The following TNKS1BP1 variants were observed in gnomAD, a reference collection of about 807,000 sequenced individuals.
TNKS1BP1 encodes the protein 182 kDa tankyrase-1-binding protein.
A neutral mutation model predicts 141.1 loss-of-function variants in TNKS1BP1; 48 were observed. That is an observed-to-expected ratio of 0.34 (90% CI 0.27 to 0.43). TNKS1BP1 has a LOEUF of 0.43. Ranked by LOEUF, TNKS1BP1 falls within the 20% of genes least tolerant of loss-of-function variation. The pLI, the probability that TNKS1BP1 is intolerant of heterozygous loss-of-function variation, is 1.00. For synonymous variants in TNKS1BP1, 875 were observed against 898.2 expected (o/e 0.97, Z 0.46); for missense variants, 2,149 against 2,226.0 (o/e 0.97, Z 0.70).
chr11:57,320,024 C>CACCACA, intron 3 of TNKS1BP1, 55 bp downstream of exon 3: 1 of 654,164 alleles, frequency 1.5e-6, no homozygotes. Context: ...CCCACCCAAT[C>CACCACA]CCACCCCACC....
Position 57,309,534 on chromosome 11 carries a change from C to T in TNKS1BP1, c.3177G>A (p.Gly1059=), listed in dbSNP as rs1420340037. The T allele has an allele frequency of 6.2e-7, 1 of 1,613,518 alleles. No individual in the cohort carries two copies. Among genetic ancestry groups the T allele is most frequent in the Non-Finnish European group, 8.5e-7 (1 of 1,180,034 alleles). ...QNSDASQEVG[G]HQERQQAGAQ... ...CCCCTGCCTGCTGTCTCTCCTGATG[C>T]CCTCCCACCTCCTGGCTAGCATCAC... Residue 1059 remains glycine, a synonymous_variant, in exon 6 of 12, where the codon GGG becomes GGA. Coordinates refer to ENST00000358252, the MANE Select transcript of TNKS1BP1 (RefSeq NM_033396.3). This position sits in a 1 kb window ranked among gnomAD's most constrained non-coding sequence, Gnocchi z 4.3.
intron 4 of TNKS1BP1, among the ~76,000 whole-genome samples, chr11:57,315,539 CCA>C (rs2134367641): frequency 6.6e-6 from 1 of 152,258 alleles, no homozygotes; most frequent in African/African-American, 2.4e-5. Context: ...TGGTCTCACT[CCA>C]GATTCACTGC....
rs979223406 is a variant in TNKS1BP1, at chr11:57,322,078, G to T, written c.-65-128C>A. 68 of 836,112 alleles carry T rather than the reference G, an allele frequency of 8.1e-5. 4 individuals carry two copies. In the Middle Eastern group the frequency reaches 1.6e-3, roughly 20 times the overall value. The allele number at this position is 836,112 out of a possible 1,614,324, so 51.8% of individuals were successfully genotyped here. On this transcript the variant is annotated intron_variant, in intron 1 of 11. Transcript: ENST00000358252. ...GGAAGAGAGAACTTGGAGTGGGGGGGGGGGGGTAGGAGGAGGTCAAGGGAG... is the reference window on the plus strand; with the variant it reads ...GGAAGAGAGAACTTGGAGTGGGGGGTGGGGGGTAGGAGGAGGTCAAGGGAG...
Position 57,310,318 on chromosome 11 carries a change from T to G in TNKS1BP1, c.2393A>C (p.Gln798Pro). Reference protein sequence around the residue: ...REWASRCGIGQEEMEASSSQD... With the variant: ...REWASRCGIGPEEMEASSSQD... ...GCTGCTGCTGGCCTCCATCTCCTCC[T>G]GGCCGATGCCACACCTGCTGGCCCA... is the stretch of plus-strand genomic sequence containing the variant. Residue 798 changes from glutamine (Q) to proline (P), a missense_variant, in exon 6 of 12, where the codon CAG becomes CCG. Coordinates refer to ENST00000358252, the MANE Select transcript of TNKS1BP1 (RefSeq NM_033396.3). 2 of 1,614,040 alleles carry G rather than the reference T, an allele frequency of 1.2e-6. No individual in the cohort carries two copies.
At chr11:57,305,887 C>T (rs1855602159) in intron 6 of TNKS1BP1, among the ~76,000 whole-genome samples, 1 of 152,188 alleles carries the variant, frequency 6.6e-6, no homozygotes, top group South Asian at 2.1e-4. Context: ...AGAACGCAAG[C>T]CTGGCAGATG....
rs768772674 is a variant in TNKS1BP1, at chr11:57,309,093, G to C, written c.3618C>G (p.Thr1206=). The change falls in exon 6 of 12, where the codon ACC becomes ACG. Residue 1206 remains threonine (T), a synonymous_variant. Transcript: ENST00000358252. This position sits in a 1 kb window ranked among gnomAD's most constrained non-coding sequence, Gnocchi z 4.3. The part of the protein sequence containing the change: ...GGLSLRDMNL[T]GCLESGGSEE... ...CAGACCCTCCACTTTCCAAACAGCC[G>C]GTCAGGTTCATGTCTCTCAAGCTCA... 2.5e-6 allele frequency: 4 copies of C among 1,613,870 alleles called. No homozygotes were observed. In the South Asian group the frequency reaches 4.4e-5, roughly 18 times the overall value.
chr11:57,309,704 G>A lies in TNKS1BP1; in HGVS notation c.3007C>T (p.Pro1003Ser), dbSNP rs1565041290. 6.2e-7 allele frequency: 1 copy of A among 1,614,088 alleles called. No individual in the cohort carries two copies. Among genetic ancestry groups the A allele is most frequent in the Non-Finnish European group, 8.5e-7 (1 of 1,180,054 alleles). The change falls in exon 6 of 12, where the codon CCA becomes TCA. Residue 1003 changes from proline to serine, a missense_variant. By Grantham distance (74) the Pro-to-Ser change is moderately conservative. Coordinates refer to ENST00000358252, the MANE Select transcript of TNKS1BP1 (RefSeq NM_033396.3). This position sits in a 1 kb window ranked among gnomAD's most constrained non-coding sequence, Gnocchi z 4.3. ...QQDEEFEKKI[P>S]SVEDSLGEGS... is the part of the protein sequence containing the mutation. ...TCTCCAAGGCTGTCTTCCACACTTG[G>A]AATCTTCTTCTCAAATTCCTCATCC...
Position 57,313,254 on chromosome 11 carries a change from C to A in TNKS1BP1, c.1434G>T (p.Trp478Cys). 1 of 1,612,912 alleles carries A rather than the reference C, an allele frequency of 6.2e-7. No homozygotes were observed. Among genetic ancestry groups the A allele is most frequent in the Non-Finnish European group, 8.5e-7 (1 of 1,180,000 alleles). ...SNWSLSQSFE[W>C]TFPTRPSGLG... ...GACCCGAGGGCCTCGTGGGGAAGGTCCATTCGAAGGACTGTGATAAGCTCC... is the reference window on the plus strand; with the variant it reads ...GACCCGAGGGCCTCGTGGGGAAGGTACATTCGAAGGACTGTGATAAGCTCC... The change falls in exon 5 of 12, where the codon TGG (tryptophan) becomes TGT (cysteine). Residue 478 changes from tryptophan (W) to cysteine (C), a missense_variant. Transcript: ENST00000358252.
Position 57,309,371 on chromosome 11 carries a change from A to T in TNKS1BP1, c.3340T>A (p.Cys1114Ser). The change falls in exon 6 of 12, where the codon TGC becomes AGC. Residue 1114 changes from cysteine to serine, a missense_variant. Coordinates refer to ENST00000358252, the MANE Select transcript of TNKS1BP1 (RefSeq NM_033396.3). The surrounding 1 kb of genome is among the most constrained non-coding windows in gnomAD (Gnocchi z 4.3). The part of the protein sequence containing the change: ...PGQQDWSRDF[C>S]IEASERSYQF... ...TAGCTCCTCTCACTGGCCTCGATGC[A>T]GAAGTCCCGGCTCCAGTCCTGCTGC... 1 of 1,614,186 alleles carries T rather than the reference A, an allele frequency of 6.2e-7. No homozygotes were observed. The highest frequency in any genetic ancestry group is 8.5e-7 in the Non-Finnish European group (1 of 1,180,026).
chr11:57,323,619 A>T (rs1465383862), intron 1 of TNKS1BP1, among the ~76,000 whole-genome samples: 1 of 152,196 alleles, frequency 6.6e-6, no homozygotes, highest in Non-Finnish European at 1.5e-5. Flanking sequence ...AGAGGGTATG[A>T]AGACAGTAGA....
intron 5 of TNKS1BP1, 90 bp downstream of exon 5, chr11:57,312,444 G>A (rs146492884): frequency 1.8e-5 from 24 of 1,346,248 alleles, no homozygotes; most frequent in African/African-American, 5.9e-5. Flanking sequence ...CCAAGCTCTC[G>A]ACATGTAAAA....
In TNKS1BP1 at chr11:57,309,310, C is replaced by T. The variant is rs1014811700; in HGVS notation, c.3401G>A (p.Gly1134Asp). Residue 1134 changes from glycine (G) to aspartate (D), a missense_variant, in exon 6 of 12, where the codon GGT (glycine) becomes GAT (aspartate). Transcript: ENST00000358252. The surrounding 1 kb of genome is among the most constrained non-coding windows in gnomAD (Gnocchi z 4.3). ...CTTGCTAGAAGGGCTAAAGCCAGCACCACTCACTCTGTCGTTGCCAATGAT... is the reference window on the plus strand; with the variant it reads ...CTTGCTAGAAGGGCTAAAGCCAGCATCACTCACTCTGTCGTTGCCAATGAT... Reference protein sequence around the residue: ...FGIIGNDRVSGAGFSPSSKME... With the variant: ...FGIIGNDRVSDAGFSPSSKME... 6.2e-7 allele frequency: 1 copy of T among 1,614,190 alleles called. No individual in the cohort carries two copies. Among genetic ancestry groups the T allele is most frequent in the African/African-American group, 1.3e-5 (1 of 75,064 alleles).
intron 6 of TNKS1BP1, chr11:57,303,139 G>A (rs907683084): frequency 3.5e-5 from 11 of 317,140 alleles, no homozygotes; most frequent in African/African-American, 1.9e-4. Context: ...GCACAGTCCT[G>A]GTCAGCACGC....
chr11:57,319,261 G>A (rs1855844726), intron 3 of TNKS1BP1, among the ~76,000 whole-genome samples: 1 of 152,064 alleles, frequency 6.6e-6, no homozygotes, highest in Non-Finnish European at 1.5e-5. Flanking sequence ...CCCCAGGACT[G>A]GCACACTGCT....
In TNKS1BP1 at chr11:57,313,442, C is replaced by A; in HGVS notation, c.1246G>T (p.Ala416Ser). 2 of 1,605,942 alleles carry A rather than the reference C, an allele frequency of 1.2e-6. No homozygotes were observed. The highest frequency in any genetic ancestry group is 1.7e-6 in the Non-Finnish European group (2 of 1,175,422). ...SGGEEEAKGD[A>S]HLRPTSLVQR... ...ACCAGGCTGGTGGGGCGGAGGTGTGCGTCACCCTTGGCCTCCTCCTCCCCG... is the reference window on the plus strand; with the variant it reads ...ACCAGGCTGGTGGGGCGGAGGTGTGAGTCACCCTTGGCCTCCTCCTCCCCG... The change falls in exon 5 of 12, where the codon GCA becomes TCA. Residue 416 changes from alanine to serine, a missense_variant. Transcript: ENST00000358252.
intron 5 of TNKS1BP1, chr11:57,311,212 C>A (rs1258049532): frequency 8.2e-6 from 8 of 980,882 alleles, no homozygotes; most frequent in African/African-American, 1.7e-5. Context: ...TGCACCCCAC[C>A]CCCCACCTCA....
intron 6 of TNKS1BP1, among the ~76,000 whole-genome samples, chr11:57,306,219 A>G (rs1042831249): frequency 2.0e-5 from 3 of 151,224 alleles, no homozygotes; most frequent in Non-Finnish European, 4.4e-5. Flanking sequence ...CAGAGGTTGC[A>G]GTGAGCCAAG....
In TNKS1BP1 at chr11:57,302,460, T is replaced by C. The variant is rs751339519; in HGVS notation, c.4682A>G (p.Glu1561Gly). The change falls in exon 7 of 12, where the codon GAG becomes GGG. Residue 1561 changes from glutamate to glycine, a missense_variant and splice_region_variant. Physicochemically the swap from Glu to Gly is moderately conservative, Grantham distance 98. Coordinates refer to ENST00000358252, the MANE Select transcript of TNKS1BP1 (RefSeq NM_033396.3). The surrounding 1 kb of genome is among the most constrained non-coding windows in gnomAD (Gnocchi z 5.5). Reference protein sequence around the residue: ...RSPSQDFSFIEDTEILDSAMY... With the variant: ...RSPSQDFSFIGDTEILDSAMY... ...GTCATGGGCTCACCCTCCACTGACC[T>C]CAATGAAGGAGAAGTCCTGACTGGG... is the stretch of plus-strand genomic sequence containing the variant. 6.3e-7 allele frequency: 1 copy of C among 1,591,168 alleles called. No homozygotes were observed. The highest frequency in any genetic ancestry group is 2.3e-5 in the East Asian group (1 of 44,434).
chr11:57,308,714 C>T lies in TNKS1BP1; in HGVS notation c.3997G>A (p.Gly1333Arg), dbSNP rs1297874047. Residue 1333 changes from glycine (G) to arginine (R), a missense_variant, in exon 6 of 12, where the codon GGG becomes AGG. Gly to Arg is a moderately radical substitution (Grantham distance 125). Coordinates refer to ENST00000358252, the MANE Select transcript of TNKS1BP1 (RefSeq NM_033396.3). ...TGCCCCACTCCACATCCCCGTAGCC[C>T]CTGAGAACCTCCAGAGTCTGGGTCA... Reference protein sequence around the residue: ...TCDPDSGGSQGLRGCGVGQMD... With the variant: ...TCDPDSGGSQRLRGCGVGQMD... 6.2e-7 allele frequency: 1 copy of T among 1,613,482 alleles called. No homozygotes were observed. Among genetic ancestry groups the T allele is most frequent in the South Asian group, 1.1e-5 (1 of 91,080 alleles).
Sources: gnomAD v4.1 joint callset for allele counts (sites outside exome capture counted in the v4.1 genomes callset) on GRCh38, gnomAD v4.1.1 for gene constraint, Gnocchi (gnomAD v3.1) non-coding constraint, MANE v1.5 for transcripts, NCBI Gene and HGNC (gene_info 2026-07-23, HGNC 2026-07-21) for gene names.